AFMID: variants seen among roughly 807,000 people sequenced by gnomAD.
AFMID encodes arylformamidase, also known as kynurenine formamidase.
Under a neutral mutation model 47.5 loss-of-function variants are expected in AFMID, and 39 were observed. The ratio of observed to expected loss-of-function variants is 0.82; its 90% CI spans 0.64 to 1.07. The LOEUF (loss-of-function observed/expected upper bound fraction) is 1.07, where lower values mean the gene tolerates loss of function less well. Among genes scored for constraint, AFMID ranks in the 50% least tolerant of loss-of-function variants. The pLI is 0.00. For synonymous variants in AFMID, 130 were observed against 153.2 expected (o/e 0.85, Z 1.12); for missense variants, 375 against 387.5 (o/e 0.97, Z 0.27).
intron 1 of AFMID, 134 bp from the exon 2 acceptor site, chr17:78,190,836 G>T: frequency 1.4e-6 from 1 of 713,104 alleles, no homozygotes; most frequent in Non-Finnish European, 2.4e-6. Context: ...TGGATCTGAG[G>T]GCATCTTGGA....
chr17:78,189,946 T>C (rs7221620), intron 1 of AFMID, among the ~76,000 whole-genome samples: 71,999 of 150,388 alleles, frequency 0.48, 18,813 homozygotes, highest in East Asian at 0.69. Flanking sequence ...ATTCTCCTGC[T>C]TCAGCCTCCT....
chr17:78,201,794 G>GCT lies in AFMID; in HGVS notation c.155-705_155-704insCT, dbSNP rs1336781105. Among the ~76,000 whole-genome samples, 70 of 151,856 alleles carry GCT rather than the reference G, an allele frequency of 4.6e-4. No individual in the cohort carries two copies. The East Asian group carries it at 9.4e-3, about 20-fold the overall frequency. On this transcript the variant is annotated intron_variant, in intron 2 of 10. Coordinates refer to ENST00000409257, the MANE Select transcript of AFMID (RefSeq NM_001010982.5). ...CCCCCAGGCTAGAGTGCAGTGGCGT[G>GCT]ATCTCAGCTCACTGCAAGCTCCACC...
Position 78,207,145 on chromosome 17 carries a change from T to C in AFMID, c.*208T>C. 3.2e-6 allele frequency: 2 copies of C among 626,066 alleles called. No individual in the cohort carries two copies. The highest frequency in any genetic ancestry group is 2.8e-6 in the Non-Finnish European group (1 of 357,316). The allele number at this position is 626,066 out of a possible 1,614,324, so 38.8% of individuals were successfully genotyped here. A position where few individuals can be genotyped will look rare whatever the true frequency, so the allele number is the denominator to read the frequency against. ...TCCCTCTTCCCAGCCTGGATGGAGCTCCAGGGCTGGGGAACGTCCGCAAGT... is the reference window on the plus strand; with the variant it reads ...TCCCTCTTCCCAGCCTGGATGGAGCCCCAGGGCTGGGGAACGTCCGCAAGT... On this transcript the variant is annotated 3_prime_UTR_variant, in exon 11 of 11. Coordinates refer to ENST00000409257, the MANE Select transcript of AFMID (RefSeq NM_001010982.5).
chr17:78,202,790 TTCCACTTTCCCTGGGGGAC>T (rs1197622674), intron 4 of AFMID, 39 bp downstream of exon 4: 6 of 1,549,792 alleles, frequency 3.9e-6, no homozygotes, highest in Non-Finnish European at 5.2e-6. Context: ...GCAAGAGAGA[TTCCACTTTCCCTGGGGGAC>T]TCCTCCTCCA....
chr17:78,188,411 T>A (rs2075861259), intron 1 of AFMID, among the ~76,000 whole-genome samples: 2 of 152,136 alleles, frequency 1.3e-5, no homozygotes, highest in African/African-American at 2.4e-5. Flanking sequence ...TTTAACCTTG[T>A]GATTTGGATA....
chr17:78,207,230 C>G lies in AFMID; in HGVS notation c.*293C>G, dbSNP rs544876546. ...CTCGTCTGGCCCATCTACCTGCTGA[C>G]AGAGCATGACAAAGATGACGCTCAA... On this transcript the variant is annotated 3_prime_UTR_variant, in exon 11 of 11. Coordinates refer to ENST00000409257, the MANE Select transcript of AFMID (RefSeq NM_001010982.5). The G allele has an allele frequency of 6.6e-5, 24 of 365,868 alleles. No individual in the cohort carries two copies. The highest frequency in any genetic ancestry group is 5.1e-4 in the African/African-American group (23 of 45,098). The allele number at this position is 365,868 out of a possible 1,614,324, so 22.7% of individuals were successfully genotyped here.
intron 7 of AFMID, 94 bp from the exon 8 acceptor site, chr17:78,205,346 T>G (rs1599016734): frequency 6.7e-7 from 1 of 1,490,094 alleles, no homozygotes; most frequent in East Asian, 2.3e-5. Context: ...TCTGTGCCCC[T>G]TCCCCTGGTC....
At chr17:78,204,620 G>A in intron 4 of AFMID, 36 bp from the exon 5 acceptor site, 1 of 1,611,232 alleles carries the variant, frequency 6.2e-7, no homozygotes, top group African/African-American at 1.3e-5. Context: ...TAGTGGCCAA[G>A]CTGCCTCCAG....
chr17:78,197,764 G>C (rs1282003494), intron 2 of AFMID, among the ~76,000 whole-genome samples: 1 of 151,954 alleles, frequency 6.6e-6, no homozygotes, highest in Non-Finnish European at 1.5e-5. Context: ...ATGGGGAGGA[G>C]ACTCTAGACC....
chr17:78,194,797 CG>C (rs1567845846), intron 2 of AFMID, among the ~76,000 whole-genome samples: 1 of 152,064 alleles, frequency 6.6e-6, no homozygotes, highest in African/African-American at 2.4e-5. Flanking sequence ...CAGGTTCAAG[CG>C]ATTCTCCTGC....
chr17:78,200,246 C>T (rs1170347258), intron 2 of AFMID, among the ~76,000 whole-genome samples: 1 of 152,098 alleles, frequency 6.6e-6, no homozygotes, highest in Non-Finnish European at 1.5e-5. Context: ...ACCTCTGCCT[C>T]CGGGTTCAAG....
At chr17:78,193,411 C>T (rs1333681639) in intron 2 of AFMID, among the ~76,000 whole-genome samples, 1 of 146,214 alleles carries the variant, frequency 6.8e-6, no homozygotes, top group Non-Finnish European at 1.5e-5. Context: ...TGTAAGCAAA[C>T]CTATTTGCCT....
intron 2 of AFMID, among the ~76,000 whole-genome samples, chr17:78,195,751 C>T (rs541795954): frequency 2.0e-5 from 3 of 151,724 alleles, no homozygotes; most frequent in South Asian, 2.1e-4. Flanking sequence ...ATCTGCCCGC[C>T]TCCCAAAGTG....
chr17:78,193,398 A>AAAAAAAT (rs1567844660), intron 2 of AFMID, among the ~76,000 whole-genome samples: 1 of 140,202 alleles, frequency 7.1e-6, no homozygotes, highest in South Asian at 2.3e-4. Flanking sequence ...AAAAAAAAAA[A>AAAAAAAT]GCTGTAAGCA....
chr17:78,204,525 T>G lies in AFMID; in HGVS notation c.309-131T>G, dbSNP rs1477210550. The G allele has an allele frequency of 3.0e-5, 25 of 836,596 alleles. No individual in the cohort carries two copies. In the East Asian group the frequency reaches 6.6e-4, roughly 22 times the overall value. 51.8% of individuals were successfully genotyped at this position (836,596 alleles called of 1,614,324 possible). On this transcript the variant is annotated intron_variant, in intron 4 of 10. Coordinates refer to ENST00000409257, the MANE Select transcript of AFMID (RefSeq NM_001010982.5). ...CAGGGAGAGAGCCTGTCCGCTTCAC[T>G]CTCTCACATGGGACCAGAAAGGGGT...
Position 78,205,960 on chromosome 17 carries a change from A to T in AFMID, c.795A>T (p.Gly265=), listed in dbSNP as rs2076369975. ...CCCCTGCCCAGACCCTGTGTCAAGG[A>T]GAGTGGAAAGCCTCATTTGAAGAGC... ...SWEFYQTLCQ[G]EWKASFEELH... The change falls in exon 10 of 11, where the codon GGA becomes GGT. Residue 265 remains glycine, a synonymous_variant. Coordinates refer to ENST00000409257, the MANE Select transcript of AFMID (RefSeq NM_001010982.5). The T allele has an allele frequency of 6.2e-7, 1 of 1,613,794 alleles. No individual in the cohort carries two copies. The highest frequency in any genetic ancestry group is 1.7e-5 in the Admixed American group (1 of 59,960).
chr17:78,205,348 C>T, intron 7 of AFMID, 92 bp from the exon 8 acceptor site: 4 of 1,494,130 alleles, frequency 2.7e-6, no homozygotes, highest in East Asian at 2.3e-5. Context: ...TGTGCCCCTT[C>T]CCCTGGTCCT....
chr17:78,193,216 A>G (rs2076018565), intron 2 of AFMID, among the ~76,000 whole-genome samples: 1 of 151,700 alleles, frequency 6.6e-6, no homozygotes, highest in South Asian at 2.1e-4. Flanking sequence ...CTAAAAATAT[A>G]AAAAATTAGC....
chr17:78,205,974 C>T lies in AFMID; in HGVS notation c.809C>T (p.Ser270Leu). ...CTGTGTCAAGGAGAGTGGAAAGCCT[C>T]ATTTGAAGAGCTCCACGATGTGGAC... ...QTLCQGEWKA[S>L]FEELHDVDHF... is the part of the protein sequence containing the mutation. The change falls in exon 10 of 11, where the codon TCA becomes TTA. Residue 270 changes from serine (S) to leucine (L), a missense_variant. Transcript: ENST00000409257. 6.2e-7 allele frequency: 1 copy of T among 1,614,128 alleles called. No individual in the cohort carries two copies. Among genetic ancestry groups the T allele is most frequent in the Non-Finnish European group, 8.5e-7 (1 of 1,180,022 alleles).
Sources: gnomAD v4.1 joint callset for allele counts (sites outside exome capture counted in the v4.1 genomes callset) on GRCh38, gnomAD v4.1.1 for gene constraint, MANE v1.5 for transcripts, NCBI Gene and HGNC (gene_info 2026-07-23, HGNC 2026-07-21) for gene names.